Variants in CCDC81 observed in about 807,000 individuals in gnomAD.
CCDC81 encodes coiled-coil domain containing 81.
In CCDC81, 79 loss-of-function variants were observed where a neutral mutation model predicts 83.7. That is an observed-to-expected ratio of 0.94 (90% confidence interval 0.79 to 1.14). CCDC81 has a LOEUF of 1.14. Among genes scored for constraint, CCDC81 ranks in the 50% most tolerant of loss-of-function variants. CCDC81 has a pLI of 0.00. For missense variants in CCDC81, 791 were observed against 778.1 expected (o/e 1.02, Z -0.20); for synonymous variants, 252 against 278.1 (o/e 0.91, Z 0.93).
At chr11:86,406,057 C>T (rs916336629) in intron 7 of CCDC81, among the ~76,000 whole-genome samples, 3 of 152,208 alleles carry the variant, frequency 2.0e-5, no homozygotes, top group African/African-American at 7.2e-5. Context: ...GCCGCCATGC[C>T]TGGCCTGTTT....
Position 86,410,827 on chromosome 11 carries a change from C to T in CCDC81, c.1218+1462C>T, listed in dbSNP as rs557958336. On this transcript the variant is annotated intron_variant, in intron 10 of 14. Coordinates refer to ENST00000445632, the MANE Select transcript of CCDC81 (RefSeq NM_001156474.2). ...GTATTTAGTCATGATCACAATATTC[C>T]TTTCTCTGTTCCTGACTTCCGATCA... Among the ~76,000 whole-genome samples the T allele has an allele frequency of 2.4e-3, 363 of 152,280 alleles. 2 individuals carry two copies. The highest frequency in any genetic ancestry group is 8.6e-3 in the African/African-American group (356 of 41,556).
intron 10 of CCDC81, among the ~76,000 whole-genome samples, chr11:86,411,489 C>T (rs1948640748): frequency 1.3e-5 from 2 of 152,230 alleles, no homozygotes; most frequent in Admixed American, 6.5e-5. Flanking sequence ...TGTCTGTCTC[C>T]TGCATCAGCA....
intron 7 of CCDC81, among the ~76,000 whole-genome samples, chr11:86,401,921 G>C (rs530957298): frequency 1.3e-5 from 2 of 152,074 alleles, no homozygotes; most frequent in Admixed American, 6.5e-5. Flanking sequence ...CGGATCACGA[G>C]GTCAGGAAAT....
chr11:86,411,457 T>G (rs887913077), intron 10 of CCDC81, among the ~76,000 whole-genome samples: 3 of 152,214 alleles, frequency 2.0e-5, no homozygotes, highest in African/African-American at 7.2e-5. Context: ...TTAAATGACC[T>G]GATGTACCGT....
chr11:86,401,038 G>A (rs543386784), intron 7 of CCDC81, among the ~76,000 whole-genome samples: 9 of 152,170 alleles, frequency 5.9e-5, no homozygotes, highest in South Asian at 2.1e-4. Flanking sequence ...TGACACAGGC[G>A]GAAACAAAAT....
intron 1 of CCDC81, among the ~76,000 whole-genome samples, 163 bp downstream of exon 1, chr11:86,375,405 C>T (rs552552555): frequency 1.3e-5 from 2 of 152,254 alleles, no homozygotes; most frequent in Admixed American, 1.3e-4. Context: ...CCACGTTGGA[C>T]GCCCAGAGAC....
chr11:86,391,676 C>G (rs925484866), intron 3 of CCDC81, among the ~76,000 whole-genome samples: 9 of 152,154 alleles, frequency 5.9e-5, no homozygotes, highest in African/African-American at 2.2e-4. Context: ...AGATGGGTAT[C>G]TTTTCAAAAT....
intron 1 of CCDC81, 48 bp downstream of exon 1, chr11:86,375,290 T>C (rs763164274): frequency 1.2e-5 from 19 of 1,526,188 alleles, no homozygotes; most frequent in Admixed American, 5.0e-5. Flanking sequence ...TGAATCTTCA[T>C]CTGCTTGCAG....
At chr11:86,410,645 ATT>A (rs1231656746) in intron 10 of CCDC81, among the ~76,000 whole-genome samples, 1 of 152,196 alleles carries the variant, frequency 6.6e-6, no homozygotes, top group Non-Finnish European at 1.5e-5. Flanking sequence ...TCCAGATTAT[ATT>A]TATTACTGCT....
intron 14 of CCDC81, among the ~76,000 whole-genome samples, chr11:86,421,320 T>C (rs1025760390): frequency 2.0e-5 from 3 of 152,148 alleles, no homozygotes; most frequent in Non-Finnish European, 4.4e-5. Context: ...GATAATCCTT[T>C]TTTTTTTGAG....
chr11:86,376,928 T>C (rs1948106019), intron 1 of CCDC81, among the ~76,000 whole-genome samples: 1 of 152,230 alleles, frequency 6.6e-6, no homozygotes, highest in African/African-American at 2.4e-5. Flanking sequence ...TTCACTCCCC[T>C]TTGTTCTGCC....
chr11:86,403,282 A>T (rs11234637), intron 7 of CCDC81, among the ~76,000 whole-genome samples: 16,419 of 152,014 alleles, frequency 0.11, 1,216 homozygotes, highest in South Asian at 0.18. Flanking sequence ...TTATAAAGAG[A>T]ACTTCATATA....
chr11:86,410,000 C>T (rs1318615093), intron 10 of CCDC81, among the ~76,000 whole-genome samples: 4 of 152,198 alleles, frequency 2.6e-5, no homozygotes, highest in Non-Finnish European at 5.9e-5. Flanking sequence ...ATCAGCATTG[C>T]CTGGGAACTT....
At chr11:86,393,209 C>T (rs180955303) in intron 4 of CCDC81, among the ~76,000 whole-genome samples, 17 of 152,150 alleles carry the variant, frequency 1.1e-4, no homozygotes, top group Admixed American at 2.0e-4. Context: ...ATTACAGGTG[C>T]GCGCCACCAT....
chr11:86,392,645 T>C lies in CCDC81; in HGVS notation c.403T>C (p.Ser135Pro). The C allele has an allele frequency of 6.4e-7, 1 of 1,551,698 alleles. No homozygotes were observed. The highest frequency in any genetic ancestry group is 1.2e-5 in the South Asian group (1 of 84,062). Residue 135 changes from serine to proline, a missense_variant, in exon 4 of 15, where the codon TCG becomes CCG. Coordinates refer to ENST00000445632, the MANE Select transcript of CCDC81 (RefSeq NM_001156474.2). ...GCVKETLLFL[S>P]RSISMKQNVE... ...TGTGAAGGAGACGTTGCTTTTTTTA[T>C]CGCGTTCCATTTCCATGAAACAAAA...
At chr11:86,397,799 A>G in intron 6 of CCDC81, 57 bp downstream of exon 6, 1 of 1,564,484 alleles carries the variant, frequency 6.4e-7, no homozygotes, top group Non-Finnish European at 8.6e-7. Context: ...GAGCCCAGCC[A>G]TATTGCTTAG....
intron 8 of CCDC81, 110 bp from the exon 9 acceptor site, chr11:86,408,017 T>C: frequency 9.5e-7 from 1 of 1,052,246 alleles, no homozygotes; most frequent in South Asian, 1.7e-5. Context: ...AATATATCCA[T>C]TAATAATAGG....
At chr11:86,389,631 A>G (rs1348337207) in intron 3 of CCDC81, among the ~76,000 whole-genome samples, 1 of 152,206 alleles carries the variant, frequency 6.6e-6, no homozygotes, top group Non-Finnish European at 1.5e-5. Context: ...TTATGAGAAC[A>G]GCAAGGGGGA....
rs146029628 is a variant in CCDC81 at position 86,420,550 on chromosome 11, T to C, written c.1817+497T>C. 1.5e-3 allele frequency among the ~76,000 whole-genome samples: 226 copies of C among 152,296 alleles called. 1 individual carries two copies. Among genetic ancestry groups the C allele is most frequent in the Middle Eastern group, 0.01 (3 of 294 alleles). On this transcript the variant is annotated intron_variant, in intron 14 of 14. Transcript: ENST00000445632. Reference sequence around the variant, plus strand: ...AAATATTCACATCACTACTGTTGTATTACATCTTGAAAAAAAATTAAAATA... The same window carrying C: ...AAATATTCACATCACTACTGTTGTACTACATCTTGAAAAAAAATTAAAATA...
Sources: allele counts gnomAD v4.1 joint callset (sites outside exome capture counted in the v4.1 genomes callset), GRCh38; gene constraint gnomAD v4.1.1; transcripts MANE v1.5; gene names NCBI Gene and HGNC (gene_info 2026-07-23, HGNC 2026-07-21).